IL1RAPL1: variants seen among roughly 807,000 people sequenced by gnomAD.
The protein encoded by IL1RAPL1 is interleukin-1 receptor accessory protein-like 1.
IL1RAPL1 carries 3 observed loss-of-function variants against 48.4 expected under a neutral mutation model. The ratio of observed to expected loss-of-function variants is 0.06; its 90% CI spans 0.03 to 0.16. The LOEUF is 0.16. Among genes scored for constraint, IL1RAPL1 ranks in the 10% least tolerant of loss-of-function variants. The pLI is 1.00. For missense variants in IL1RAPL1, 349 were observed against 530.6 expected (o/e 0.66, Z 3.36); for synonymous variants, 185 against 187.7 (o/e 0.99, Z 0.12).
At chrX:29,878,122 A>T (rs1336251495) in intron 6 of IL1RAPL1, among the ~76,000 whole-genome samples, 2 of 112,027 alleles carry the variant, frequency 1.8e-5, no homozygotes, top group East Asian at 5.6e-4. Flanking sequence ...CTTTCTTGGG[A>T]AGTAATAACA....
rs139406785 is a variant in IL1RAPL1 at position 29,066,636 on chromosome X, C to T, written c.83-216302C>T. On this transcript the variant is annotated intron_variant, in intron 2 of 10. Transcript: ENST00000378993. ...CCTCTGGCCTTCTCAGCTTATCTCC[C>T]TCAGCATAGAACCTCTGCCCTAGGA... Among the ~76,000 whole-genome samples, 979 of 111,492 alleles carry T rather than the reference C, an allele frequency of 8.8e-3. 15 individuals are homozygous for T. Among genetic ancestry groups the T allele is most frequent in the African/African-American group, 0.031 (944 of 30,633 alleles).
intron 6 of IL1RAPL1, among the ~76,000 whole-genome samples, chrX:29,781,629 C>T (rs896630816): frequency 8.9e-6 from 1 of 111,765 alleles, no homozygotes; most frequent in Non-Finnish European, 1.9e-5. Context: ...CAGAGTGACT[C>T]AGAACTCTTG....
chrX:29,327,443 C>T (rs936480175), intron 3 of IL1RAPL1, among the ~76,000 whole-genome samples: 4 of 105,831 alleles, frequency 3.8e-5, no homozygotes, highest in Admixed American at 1.1e-4. Context: ...CTCTTAGAGT[C>T]GATTTTCTTT....
intron 1 of IL1RAPL1, among the ~76,000 whole-genome samples, chrX:28,681,831 CCTAAA>C (rs1345490150): frequency 1.8e-5 from 2 of 111,442 alleles, no homozygotes; most frequent in Non-Finnish European, 3.8e-5. Flanking sequence ...GAAAAAAAAT[CCTAAA>C]CTATTCAGCG....
chrX:29,751,323 T>G (rs1928456493), intron 6 of IL1RAPL1, among the ~76,000 whole-genome samples: 1 of 111,548 alleles, frequency 9.0e-6, no homozygotes, highest in Admixed American at 9.6e-5. Context: ...TAAATTATCA[T>G]GTACTAACCA....
At chrX:28,611,563 C>A (rs1269684892) in intron 1 of IL1RAPL1, among the ~76,000 whole-genome samples, 1 of 112,651 alleles carries the variant, frequency 8.9e-6, no homozygotes, top group Non-Finnish European at 1.9e-5. Flanking sequence ...CTAAATCATG[C>A]CACAAATTAT....
At chrX:28,790,533 T>C (rs1936525211) in intron 2 of IL1RAPL1, among the ~76,000 whole-genome samples, 1 of 112,802 alleles carries the variant, frequency 8.9e-6, no homozygotes, top group Non-Finnish European at 1.9e-5. Flanking sequence ...GAGGGCATTG[T>C]GCATGGACAA....
At chrX:28,616,206 T>C (rs1178759749) in intron 1 of IL1RAPL1, among the ~76,000 whole-genome samples, 1 of 112,240 alleles carries the variant, frequency 8.9e-6, no homozygotes, top group Non-Finnish European at 1.9e-5. Flanking sequence ...CTGATGTCTT[T>C]CAGGCCTATC....
chrX:28,752,111 AC>A (rs1189087659), intron 1 of IL1RAPL1, among the ~76,000 whole-genome samples: 2 of 112,375 alleles, frequency 1.8e-5, no homozygotes, highest in Non-Finnish European at 3.8e-5. Flanking sequence ...TTTTAAAATA[AC>A]TTTTATTTTT....
At chrX:29,882,446 A>G (rs1450075105) in intron 6 of IL1RAPL1, among the ~76,000 whole-genome samples, 1 of 112,003 alleles carries the variant, frequency 8.9e-6, no homozygotes, top group Non-Finnish European at 1.9e-5. Context: ...GAATAATACT[A>G]GTACTGACAT....
intron 6 of IL1RAPL1, among the ~76,000 whole-genome samples, chrX:29,913,018 T>C (rs1042119804): frequency 9.0e-6 from 1 of 111,443 alleles, no homozygotes; most frequent in Non-Finnish European, 1.9e-5. Flanking sequence ...GGTAATACAG[T>C]TGGGTTCCAA....
intron 5 of IL1RAPL1, among the ~76,000 whole-genome samples, chrX:29,499,174 G>T (rs1602265336): frequency 8.9e-6 from 1 of 112,178 alleles, no homozygotes; most frequent in African/African-American, 3.2e-5. Context: ...AAATAGAACA[G>T]CCTCTAATTG....
intron 2 of IL1RAPL1, among the ~76,000 whole-genome samples, chrX:29,165,311 C>T (rs1450920252): frequency 9.0e-6 from 1 of 111,378 alleles, no homozygotes; most frequent in East Asian, 2.8e-4. Context: ...AAGAGCAAAA[C>T]TTCATCTCAA....
intron 9 of IL1RAPL1, among the ~76,000 whole-genome samples, chrX:29,947,152 A>G (rs1933226708): frequency 8.9e-6 from 1 of 111,795 alleles, no homozygotes; most frequent in African/African-American, 3.2e-5. Flanking sequence ...TAGAACTTAT[A>G]CTAACAAAGT....
chrX:29,520,897 G>C (rs1403676819), intron 5 of IL1RAPL1, among the ~76,000 whole-genome samples: 3 of 111,452 alleles, frequency 2.7e-5, no homozygotes, highest in Non-Finnish European at 3.8e-5. Context: ...GAAAGGATCA[G>C]TATGCAAGGG....
At chrX:29,743,719 G>A (rs1192504797) in intron 6 of IL1RAPL1, among the ~76,000 whole-genome samples, 1 of 111,905 alleles carries the variant, frequency 8.9e-6, no homozygotes, top group African/African-American at 3.2e-5. Flanking sequence ...TCCTGACCTC[G>A]TGATCTGTCT....
chrX:28,886,008 C>T (rs896866440), intron 2 of IL1RAPL1, among the ~76,000 whole-genome samples: 2 of 110,514 alleles, frequency 1.8e-5, no homozygotes, highest in African/African-American at 6.6e-5. Flanking sequence ...TTTAATTTGC[C>T]ACTTTATAAC....
At chrX:29,022,647 T>G (rs1202665181) in intron 2 of IL1RAPL1, among the ~76,000 whole-genome samples, 1 of 111,746 alleles carries the variant, frequency 8.9e-6, no homozygotes, top group Admixed American at 9.6e-5. Flanking sequence ...GAAGTCCCAT[T>G]CTGAAATTCA....
intron 6 of IL1RAPL1, among the ~76,000 whole-genome samples, chrX:29,824,008 C>T (rs1204232044): frequency 9.0e-6 from 1 of 111,536 alleles, no homozygotes; most frequent in African/African-American, 3.3e-5. Context: ...ATACCCATGT[C>T]CTTATGCCTG....
Sources: gnomAD v4.1 joint callset for allele counts (sites outside exome capture counted in the v4.1 genomes callset) on GRCh38, gnomAD v4.1.1 for gene constraint, MANE v1.5 for transcripts, NCBI Gene and HGNC (gene_info 2026-07-23, HGNC 2026-07-21) for gene names.